Variants in NOL4 observed in about 807,000 individuals in gnomAD.
NOL4 encodes the protein nucleolar protein 4, also known as cancer/testis antigen 125.
NOL4 carries 17 observed loss-of-function variants against 75.9 expected under a neutral mutation model. The observed-to-expected ratio is 0.22, with a 90% CI of 0.15 to 0.34. The LOEUF (loss-of-function observed/expected upper bound fraction) is 0.34, where lower values mean the gene tolerates loss of function less well. Ranked by LOEUF, NOL4 falls within the 10% of genes least tolerant of loss-of-function variation. The pLI, the probability that NOL4 is intolerant of heterozygous loss-of-function variation, is 1.00. For synonymous variants in NOL4, 292 were observed against 289.9 expected (o/e 1.01, Z -0.07); for missense variants, 614 against 793.5 (o/e 0.77, Z 2.72).
intron 10 of NOL4, among the ~76,000 whole-genome samples, chr18:33,860,053 G>T (rs1230677921): frequency 1.3e-5 from 2 of 152,112 alleles, no homozygotes; most frequent in Admixed American, 6.6e-5. Context: ...GGGAAAGCAG[G>T]CATATCTTAC....
intron 2 of NOL4, among the ~76,000 whole-genome samples, chr18:34,129,232 GTTAA>G (rs1047794074): frequency 6.6e-6 from 1 of 151,818 alleles, no homozygotes; most frequent in African/African-American, 2.4e-5. Flanking sequence ...ATATCTAGCA[GTTAA>G]TTAAATCTGC....
At chr18:33,998,532 C>G (rs1458922073) in intron 6 of NOL4, among the ~76,000 whole-genome samples, 2 of 152,044 alleles carry the variant, frequency 1.3e-5, no homozygotes, top group Non-Finnish European at 2.9e-5. Flanking sequence ...TATATTTATG[C>G]TATCTATTAC....
chr18:33,882,166 C>T (rs973652941), intron 10 of NOL4, among the ~76,000 whole-genome samples: 24 of 152,176 alleles, frequency 1.6e-4, no homozygotes, highest in Admixed American at 7.2e-4. Flanking sequence ...ATGTCTAAAA[C>T]ACCAAAAGCA....
chr18:33,967,595 A>G (rs1197523261), intron 6 of NOL4, among the ~76,000 whole-genome samples: 1 of 152,224 alleles, frequency 6.6e-6, no homozygotes, highest in African/African-American at 2.4e-5. Flanking sequence ...TCCAGAGTCT[A>G]TAAGTAACTT....
At chr18:33,856,994 T>A (rs946275099) in intron 10 of NOL4, among the ~76,000 whole-genome samples, 1 of 152,076 alleles carries the variant, frequency 6.6e-6, no homozygotes, top group Non-Finnish European at 1.5e-5. Context: ...TGTTTCATCT[T>A]TGAAAATGTC....
rs892477772 is a variant in NOL4 at position 33,902,632 on chromosome 18, C to A, written c.1543-19208G>T. 2.6e-4 allele frequency among the ~76,000 whole-genome samples: 40 copies of A among 152,070 alleles called. 1 individual carries two copies. Among genetic ancestry groups the A allele is most frequent in the African/African-American group, 9.4e-4 (39 of 41,426 alleles). The stretch of plus-strand genomic sequence containing the variant: ...TACTAATAACCTGGGACACACTTTT[C>A]CTGTGTTTGATGGAATGTGAGTTCT... On this transcript the variant is annotated intron_variant, in intron 9 of 10. Coordinates refer to ENST00000261592, the MANE Select transcript of NOL4 (RefSeq NM_003787.5).
At chr18:33,914,715 G>A (rs186598229) in intron 9 of NOL4, among the ~76,000 whole-genome samples, 4 of 152,154 alleles carry the variant, frequency 2.6e-5, no homozygotes, top group Admixed American at 2.6e-4. Context: ...TGAAAAGAAG[G>A]GGGAACTCAA....
intron 1 of NOL4, among the ~76,000 whole-genome samples, chr18:34,197,400 G>A (rs991794075): frequency 1.3e-5 from 2 of 151,998 alleles, no homozygotes; most frequent in South Asian, 2.1e-4. Context: ...ACTTGTCTAC[G>A]GTAAACACAG....
At chr18:34,175,476 A>G (rs1381255093) in intron 1 of NOL4, among the ~76,000 whole-genome samples, 2 of 152,190 alleles carry the variant, frequency 1.3e-5, no homozygotes, top group Admixed American at 1.3e-4. Flanking sequence ...ACTCTGCAGC[A>G]TATTCCCTAG....
chr18:34,205,914 T>C (rs2036090063), intron 1 of NOL4, among the ~76,000 whole-genome samples: 1 of 152,170 alleles, frequency 6.6e-6, no homozygotes, highest in African/African-American at 2.4e-5. Context: ...TTCTTCTTTT[T>C]CTCATTTCTT....
intron 1 of NOL4, among the ~76,000 whole-genome samples, chr18:34,146,449 GC>G (rs1293816193): frequency 6.6e-6 from 1 of 152,116 alleles, no homozygotes; most frequent in Non-Finnish European, 1.5e-5. Flanking sequence ...GCAATGGCTA[GC>G]CAGTTTTCCC....
At chr18:33,912,488 A>T (rs2066468459) in intron 9 of NOL4, among the ~76,000 whole-genome samples, 1 of 152,056 alleles carries the variant, frequency 6.6e-6, no homozygotes, top group Admixed American at 6.6e-5. Context: ...AAGGCTTTAA[A>T]ATGTGAGATG....
chr18:34,014,951 CA>C (rs1303618452), intron 6 of NOL4, among the ~76,000 whole-genome samples: 1 of 151,934 alleles, frequency 6.6e-6, no homozygotes, highest in Non-Finnish European at 1.5e-5. Context: ...AATTGTGAAA[CA>C]GGTCAATATT....
In NOL4 at chr18:33,937,922, T is replaced by C. The variant is rs372082049; in HGVS notation, c.1542+5143A>G. Reference sequence around the variant, plus strand: ...CAGGCAAACTCTAGATTGCTAGTTATAGTAAAGTACAAAATTTTTGTAAAT... The same window carrying C: ...CAGGCAAACTCTAGATTGCTAGTTACAGTAAAGTACAAAATTTTTGTAAAT... On this transcript the variant is annotated intron_variant, in intron 9 of 10. Coordinates refer to ENST00000261592, the MANE Select transcript of NOL4 (RefSeq NM_003787.5). 2.0e-4 allele frequency among the ~76,000 whole-genome samples: 31 copies of C among 152,204 alleles called. No individual in the cohort carries two copies. The South Asian group carries it at 6.0e-3, about 30-fold the overall frequency.
intron 1 of NOL4, among the ~76,000 whole-genome samples, chr18:34,214,561 T>C (rs1487499701): frequency 6.6e-6 from 1 of 152,172 alleles, no homozygotes; most frequent in Non-Finnish European, 1.5e-5. Context: ...CATAGGACTA[T>C]TGTGAAGATT....
chr18:33,889,028 A>G (rs1360011657), intron 9 of NOL4, among the ~76,000 whole-genome samples: 1 of 152,038 alleles, frequency 6.6e-6, no homozygotes, highest in Non-Finnish European at 1.5e-5. Context: ...CAGAGCAGAA[A>G]TGAAGGAGAT....
chr18:34,147,431 G>A (rs1459498574), intron 1 of NOL4, among the ~76,000 whole-genome samples: 2 of 152,128 alleles, frequency 1.3e-5, no homozygotes, highest in African/African-American at 4.8e-5. Context: ...ATGAAAGGGT[G>A]TTAAATTTTA....
chr18:33,918,680 G>C (rs2066866239), intron 9 of NOL4, among the ~76,000 whole-genome samples: 1 of 152,110 alleles, frequency 6.6e-6, no homozygotes, highest in Non-Finnish European at 1.5e-5. Context: ...TGAAGAATCA[G>C]CAAGGCTTTA....
intron 2 of NOL4, among the ~76,000 whole-genome samples, chr18:34,110,714 T>A (rs534629941): frequency 6.6e-6 from 1 of 152,174 alleles, no homozygotes; most frequent in South Asian, 2.1e-4. Context: ...AGATAAGCCA[T>A]CTAAACTTGA....
Sources: allele counts gnomAD v4.1 joint callset (sites outside exome capture counted in the v4.1 genomes callset), GRCh38; gene constraint gnomAD v4.1.1; transcripts MANE v1.5; gene names NCBI Gene and HGNC (gene_info 2026-07-23, HGNC 2026-07-21).